DPYD: variants seen among roughly 807,000 people sequenced by gnomAD.
The protein encoded by DPYD is dihydropyrimidine dehydrogenase [NADP(+)].
DPYD carries 109 observed loss-of-function variants against 116.2 expected under a neutral mutation model. The ratio of observed to expected loss-of-function variants is 0.94; its 90% CI spans 0.80 to 1.10. The LOEUF (loss-of-function observed/expected upper bound fraction) is 1.10, where lower values mean the gene tolerates loss of function less well. Ranked by LOEUF, DPYD falls within the 50% of genes least tolerant of loss-of-function variation. The pLI, the probability that DPYD is intolerant of heterozygous loss-of-function variation, is 0.00. For missense variants in DPYD, 1,302 were observed against 1,254.5 expected (o/e 1.04, Z -0.57); for synonymous variants, 440 against 432.0 (o/e 1.02, Z -0.23).
intron 3 of DPYD, among the ~76,000 whole-genome samples, chr1:97,825,083 C>T (rs375663662): frequency 1.2e-4 from 19 of 152,056 alleles, no homozygotes; most frequent in African/African-American, 3.1e-4. Flanking sequence ...ATTTATTTAA[C>T]GTTTTATTTA....
chr1:97,316,935 T>C (rs893875800), intron 16 of DPYD, among the ~76,000 whole-genome samples: 1 of 150,956 alleles, frequency 6.6e-6, no homozygotes, highest in Non-Finnish European at 1.5e-5. Context: ...TTTAATTTTA[T>C]CATGTTTTTT....
intron 1 of DPYD, among the ~76,000 whole-genome samples, chr1:97,911,751 T>C (rs72981733): frequency 0.02 from 3,017 of 152,074 alleles, 93 homozygotes; most frequent in African/African-American, 0.065. Context: ...GCTGGGATAA[T>C]ATAAAAGTTT....
chr1:97,276,644 G>C (rs1191961886), intron 18 of DPYD, among the ~76,000 whole-genome samples: 2 of 142,524 alleles, frequency 1.4e-5, no homozygotes, highest in Non-Finnish European at 3.0e-5. Context: ...CTATTAAGAA[G>C]TCAACAAATG....
intron 14 of DPYD, among the ~76,000 whole-genome samples, chr1:97,427,120 C>G (rs1460071510): frequency 6.6e-6 from 1 of 152,138 alleles, no homozygotes; most frequent in Non-Finnish European, 1.5e-5. Flanking sequence ...ATATCTACAA[C>G]TACTACCTCG....
At chr1:97,903,022 G>C (rs559769011) in intron 1 of DPYD, among the ~76,000 whole-genome samples, 77 of 151,872 alleles carry the variant, frequency 5.1e-4, no homozygotes, top group Non-Finnish European at 7.4e-5. Flanking sequence ...CGTAATTAAG[G>C]TTACTGGGCT....
intron 20 of DPYD, among the ~76,000 whole-genome samples, chr1:97,159,396 A>G (rs1052075904): frequency 3.3e-5 from 5 of 152,046 alleles, no homozygotes; most frequent in Non-Finnish European, 7.4e-5. Context: ...AAACAGAGAA[A>G]CTATTAAAAA....
chr1:97,717,106 A>G (rs1217517354), intron 5 of DPYD, among the ~76,000 whole-genome samples: 1 of 152,038 alleles, frequency 6.6e-6, no homozygotes, highest in Non-Finnish European at 1.5e-5. Flanking sequence ...AATTCCAGAT[A>G]GTTAATGGGT....
intron 13 of DPYD, among the ~76,000 whole-genome samples, chr1:97,458,236 G>C (rs1387562810): frequency 6.6e-6 from 1 of 152,098 alleles, no homozygotes; most frequent in Non-Finnish European, 1.5e-5. Flanking sequence ...AAGAAAACTT[G>C]TGTAAATCTC....
At chr1:97,843,100 C>T (rs1670116593) in intron 2 of DPYD, among the ~76,000 whole-genome samples, 1 of 152,090 alleles carries the variant, frequency 6.6e-6, no homozygotes, top group Non-Finnish European at 1.5e-5. Context: ...TTTTAGCCTT[C>T]CTTCATCATC....
chr1:97,718,809 A>C (rs1009695927), intron 5 of DPYD, among the ~76,000 whole-genome samples: 2 of 151,878 alleles, frequency 1.3e-5, no homozygotes, highest in Non-Finnish European at 2.9e-5. Flanking sequence ...TAGGTGGTCT[A>C]TTAAATGTAA....
intron 14 of DPYD, among the ~76,000 whole-genome samples, chr1:97,393,628 C>A (rs958050287): frequency 6.6e-6 from 1 of 152,090 alleles, no homozygotes; most frequent in Non-Finnish European, 1.5e-5. Flanking sequence ...TGGACTCATC[C>A]TTTTTTATGG....
intron 3 of DPYD, among the ~76,000 whole-genome samples, chr1:97,814,608 C>G (rs1668488430): frequency 6.6e-6 from 1 of 151,910 alleles, no homozygotes; most frequent in African/African-American, 2.4e-5. Context: ...ATTTGTAGTT[C>G]AAATAACTAA....
intron 11 of DPYD, among the ~76,000 whole-genome samples, chr1:97,559,829 C>G (rs930762529): frequency 1.3e-5 from 2 of 152,166 alleles, no homozygotes; most frequent in African/African-American, 4.8e-5. Context: ...AAGGCTATAT[C>G]TAATGGGGAT....
At chr1:97,373,937 G>A (rs1003197607) in intron 15 of DPYD, among the ~76,000 whole-genome samples, 5 of 152,094 alleles carry the variant, frequency 3.3e-5, no homozygotes, top group Non-Finnish European at 7.3e-5. Context: ...GTATTATTAT[G>A]CTACCAAGTT....
At chr1:97,218,292 A>G (rs1660547825) in intron 19 of DPYD, among the ~76,000 whole-genome samples, 1 of 152,192 alleles carries the variant, frequency 6.6e-6, no homozygotes, top group Non-Finnish European at 1.5e-5. Context: ...CAAAGAAAAA[A>G]ATGAATGCAT....
chr1:97,513,702 A>G (rs1647980245), intron 13 of DPYD, among the ~76,000 whole-genome samples: 1 of 151,842 alleles, frequency 6.6e-6, no homozygotes, highest in Non-Finnish European at 1.5e-5. Context: ...GCTGTGGGGA[A>G]ATAAGTATGT....
In DPYD at chr1:97,595,119, C is replaced by T; in HGVS notation, c.898G>A (p.Asp300Asn). Residue 300 changes from aspartate (D) to asparagine (N), a missense_variant, in exon 9 of 23, where the codon GAC (aspartate) becomes AAC (asparagine). Physicochemically the swap from Asp to Asn is conservative, Grantham distance 23. Transcript: ENST00000370192. ...KDAIFQGLTQ[D>N]QGFYTSKDFL... ...TCTTTGGATGTATAAAACCCCTGGT[C>T]CTGCGTCAGGCCTTGGAAGATGGCA... The T allele has an allele frequency of 1.2e-6, 2 of 1,613,682 alleles. No homozygotes were observed. The highest frequency in any genetic ancestry group is 1.7e-6 in the Non-Finnish European group (2 of 1,179,686).
intron 3 of DPYD, among the ~76,000 whole-genome samples, chr1:97,805,632 A>G (rs1668043383): frequency 6.6e-6 from 1 of 151,714 alleles, no homozygotes; most frequent in Non-Finnish European, 1.5e-5. Context: ...AAATCTAGAA[A>G]AAGCTGGATA....
intron 7 of DPYD, among the ~76,000 whole-genome samples, chr1:97,681,226 C>G (rs1419720481): frequency 6.6e-6 from 1 of 152,104 alleles, no homozygotes; most frequent in South Asian, 2.1e-4. Flanking sequence ...TCAGAGCCAA[C>G]ATGCATAATT....
Sources: gnomAD v4.1 joint callset for allele counts (sites outside exome capture counted in the v4.1 genomes callset) on GRCh38, gnomAD v4.1.1 for gene constraint, MANE v1.5 for transcripts, NCBI Gene and HGNC (gene_info 2026-07-23, HGNC 2026-07-21) for gene names.